The following MYLK variants were observed in gnomAD, a reference collection of about 807,000 sequenced individuals.
MYLK encodes myosin light chain kinase, smooth muscle.
Under a neutral mutation model 203.4 loss-of-function variants are expected in MYLK, and 106 were observed. That is an observed-to-expected ratio of 0.52 (90% CI 0.45 to 0.61). MYLK has a LOEUF of 0.61. Among genes scored for constraint, MYLK ranks in the 20% least tolerant of loss-of-function variants. MYLK has a pLI of 0.00. For synonymous variants in MYLK, 867 were observed against 959.5 expected (o/e 0.90, Z 1.78); for missense variants, 2,072 against 2,442.3 (o/e 0.85, Z 3.20).
At chr3:123,738,781 G>A (rs746541752) in intron 7 of MYLK, 116 bp downstream of exon 7, 152 of 1,368,378 alleles carry the variant, frequency 1.1e-4, no homozygotes, top group Non-Finnish European at 1.5e-4. Context: ...ATGTGGAACG[G>A]TGAGTCCATT....
At chr3:123,657,734 A>G (rs1210671467) in intron 23 of MYLK, among the ~76,000 whole-genome samples, 4 of 152,242 alleles carry the variant, frequency 2.6e-5, no homozygotes, top group Admixed American at 2.6e-4. Context: ...TATTTGTCAG[A>G]GTAAACAGAT....
intron 5 of MYLK, among the ~76,000 whole-genome samples, chr3:123,749,853 C>T: frequency 1.3e-5 from 2 of 152,242 alleles, no homozygotes; most frequent in East Asian, 1.9e-4. Flanking sequence ...TTCCATTGCA[C>T]AACACTGCCT....
In MYLK at chr3:123,734,037, G is replaced by T. The variant is rs776381441; in HGVS notation, c.959C>A (p.Ser320Tyr). 3 of 1,614,146 alleles carry T rather than the reference G, an allele frequency of 1.9e-6. No homozygotes were observed. The highest frequency in any genetic ancestry group is 1.7e-6 in the Non-Finnish European group (2 of 1,180,026). Residue 320 changes from serine (S) to tyrosine (Y), a missense_variant, in exon 10 of 34, where the codon TCC (serine) becomes TAC (tyrosine). By Grantham distance (144) the Ser-to-Tyr change is moderately radical. This residue lies in a region of MYLK where 683 missense variants were observed against 643.8 expected (regional missense o/e 1.06). Transcript: ENST00000360304. ...CGAGTCCTTGCATGACTCCAGCTTG[G>T]ACTCCCTTGGGGGCTGAGGCTGGCT... Reference protein sequence around the residue: ...ANSQPQPPRESKLESCKDSPR... With the variant: ...ANSQPQPPREYKLESCKDSPR...
At chr3:123,787,558 G>A (rs111785823) in intron 4 of MYLK, among the ~76,000 whole-genome samples, 4 of 152,242 alleles carry the variant, frequency 2.6e-5, no homozygotes, top group African/African-American at 9.6e-5. Flanking sequence ...GACAAGAAAC[G>A]GTCATCGCGT....
intron 2 of MYLK, among the ~76,000 whole-genome samples, chr3:123,847,153 G>C (rs554356375): frequency 6.6e-6 from 1 of 152,150 alleles, no homozygotes; most frequent in African/African-American, 2.4e-5. Flanking sequence ...CCTTTACATA[G>C]TATTGGGTAT....
intron 2 of MYLK, among the ~76,000 whole-genome samples, chr3:123,848,340 T>G (rs1040076737): frequency 6.6e-6 from 1 of 152,096 alleles, no homozygotes; most frequent in African/African-American, 2.4e-5. Flanking sequence ...CTTCCTTTGT[T>G]TCCTTCCTTC....
At chr3:123,646,113 G>C (rs1033286896) in intron 27 of MYLK, among the ~76,000 whole-genome samples, 27 of 152,176 alleles carry the variant, frequency 1.8e-4, no homozygotes, top group Non-Finnish European at 3.8e-4. Context: ...GACAGAGTGA[G>C]ACTCTGTCTC....
At chr3:123,733,332 C>T (rs1004512474) in intron 10 of MYLK, among the ~76,000 whole-genome samples, 8 of 152,110 alleles carry the variant, frequency 5.3e-5, no homozygotes, top group South Asian at 4.1e-4. Context: ...GCAAGGTCTC[C>T]AGGTTGGCCA....
intron 28 of MYLK, among the ~76,000 whole-genome samples, chr3:123,639,810 A>G (rs1023466681): frequency 6.6e-6 from 1 of 152,154 alleles, no homozygotes; most frequent in Non-Finnish European, 1.5e-5. Context: ...GGGGCTCATA[A>G]AATCTACCCT....
chr3:123,826,416 C>T (rs1307911583), intron 3 of MYLK, among the ~76,000 whole-genome samples: 1 of 152,220 alleles, frequency 6.6e-6, no homozygotes, highest in East Asian at 1.9e-4. Context: ...ATGGGCCATC[C>T]CCAGCAGACA....
At chr3:123,706,817 G>A (rs895109445) in intron 16 of MYLK, among the ~76,000 whole-genome samples, 1 of 150,540 alleles carries the variant, frequency 6.6e-6, no homozygotes, top group African/African-American at 2.5e-5. Context: ...TGTGCCTCAT[G>A]GAGCTGACCT....
At chr3:123,863,034 C>T (rs962091500) in intron 2 of MYLK, among the ~76,000 whole-genome samples, 1 of 152,170 alleles carries the variant, frequency 6.6e-6, no homozygotes, top group Non-Finnish European at 1.5e-5. Flanking sequence ...ATCCAGACTG[C>T]CTGGGTTCAA....
intron 16 of MYLK, 120 bp downstream of exon 16, chr3:123,707,634 T>C: frequency 2.7e-6 from 4 of 1,507,432 alleles, no homozygotes; most frequent in African/African-American, 1.4e-5. Context: ...GCACTTGCTT[T>C]ACCTGGAAGT....
At chr3:123,829,644 T>C (rs1251949040) in intron 3 of MYLK, among the ~76,000 whole-genome samples, 5 of 152,246 alleles carry the variant, frequency 3.3e-5, no homozygotes, top group Non-Finnish European at 7.3e-5. Flanking sequence ...ATGATGGATA[T>C]GCTAATTGCC....
intron 2 of MYLK, among the ~76,000 whole-genome samples, chr3:123,833,454 C>T (rs980169862): frequency 6.6e-6 from 1 of 152,088 alleles, no homozygotes; most frequent in African/African-American, 2.4e-5. Flanking sequence ...TCTCAGCAGC[C>T]CCCTTCTGCT....
At chr3:123,870,907 C>T (rs929437479) in intron 2 of MYLK, among the ~76,000 whole-genome samples, 1 of 152,192 alleles carries the variant, frequency 6.6e-6, no homozygotes, top group African/African-American at 2.4e-5. Flanking sequence ...ACCCTTTCAT[C>T]CAACAAAACT....
At chr3:123,684,357 C>T (rs1048128312) in intron 19 of MYLK, among the ~76,000 whole-genome samples, 1 of 152,142 alleles carries the variant, frequency 6.6e-6, no homozygotes, top group African/African-American at 2.4e-5. Flanking sequence ...AGGACTATTC[C>T]AAGAGGCAGA....
intron 19 of MYLK, among the ~76,000 whole-genome samples, chr3:123,687,893 A>G (rs750713424): frequency 1.3e-5 from 2 of 152,006 alleles, no homozygotes; most frequent in African/African-American, 2.4e-5. Context: ...GCTGATATTG[A>G]ACTCCTGGCT....
rs1056841214 is a variant in MYLK at position 123,623,557 on chromosome 3, T to G, written c.5239-3221A>C. The G allele has an allele frequency of 3.9e-5, 6 of 152,214 alleles. No homozygotes were observed. In the East Asian group the frequency reaches 1.2e-3, roughly 29 times the overall value. 9.4% of individuals were successfully genotyped at this position (152,214 alleles called of 1,614,324 possible). On this transcript the variant is annotated intron_variant, in intron 31 of 33. Coordinates refer to ENST00000360304, the MANE Select transcript of MYLK (RefSeq NM_053025.4). ...ATTTGTTCCCATGTCACTTCATTCC[T>G]TCTAGGGCTTTTTATGAAAACCACA...
Sources: gnomAD v4.1 joint callset for allele counts (sites outside exome capture counted in the v4.1 genomes callset) on GRCh38, gnomAD v4.1.1 for gene constraint, gnomAD v4.1.1 regional missense constraint, MANE v1.5 for transcripts, NCBI Gene and HGNC (gene_info 2026-07-23, HGNC 2026-07-21) for gene names.